AHR: variants seen among roughly 807,000 people sequenced by gnomAD.
AHR encodes the protein AH-receptor.
AHR carries 40 observed loss-of-function variants against 86.8 expected under a neutral mutation model. That is an observed-to-expected ratio of 0.46 (90% confidence interval 0.36 to 0.60). The LOEUF (loss-of-function observed/expected upper bound fraction) is 0.60, where lower values mean the gene tolerates loss of function less well. Among genes scored for constraint, AHR ranks in the 20% least tolerant of loss-of-function variants. The pLI, the probability that AHR is intolerant of heterozygous loss-of-function variation, is 0.00. For missense variants in AHR, 1,001 were observed against 1,011.6 expected (o/e 0.99, Z 0.14); for synonymous variants, 398 against 354.9 (o/e 1.12, Z -1.37).
rs1452859535 is a variant in AHR, at chr7:17,345,549, T to C, written c.*2485T>C. On this transcript the variant is annotated 3_prime_UTR_variant, in exon 11 of 11. Transcript: ENST00000242057. ...TCTAGATTAATACTCTATTTTTACA[T>C]TTAAACCTTTTATTATAAGTCTTAC... The C allele has an allele frequency of 6.5e-6, 1 of 152,672 alleles. No individual in the cohort carries two copies. Among genetic ancestry groups the C allele is most frequent in the African/African-American group, 2.4e-5 (1 of 41,454 alleles). 9.5% of individuals were successfully genotyped at this position (152,672 alleles called of 1,614,324 possible).
At position 17,334,993 on chromosome 7, in the gene AHR, C is replaced by T; in HGVS notation, c.1015C>T (p.Arg339Ter). ...GCTTTATTGTGCCGAGTCCCATATC[C>T]GAAGTAAGTTGTAGTTCCTTATGAA... The part of the protein sequence containing the change: ...DMLYCAESHI[R>*]MIKTGESGMI... Residue 339 changes from arginine to a stop codon, truncating the protein, a stop_gained, in exon 8 of 11, where the codon CGA (arginine) becomes TGA (stop). Transcript: ENST00000242057. LOFTEE classifies it high-confidence loss of function. The T allele has an allele frequency of 3.1e-6, 5 of 1,610,878 alleles. No individual in the cohort carries two copies. The highest frequency in any genetic ancestry group is 1.1e-5 in the South Asian group (1 of 90,826).
intron 6 of AHR, 70 bp downstream of exon 6, chr7:17,330,956 T>C (rs760838675): frequency 1.3e-5 from 19 of 1,517,252 alleles, no homozygotes; most frequent in Non-Finnish European, 1.7e-5. Context: ...AAATTTAATT[T>C]AGCAAAATAT....
chr7:17,342,405 C>T (rs1379967211), intron 10 of AHR, among the ~76,000 whole-genome samples: 4 of 151,962 alleles, frequency 2.6e-5, no homozygotes, highest in Non-Finnish European at 4.4e-5. Context: ...AATAAGAAAT[C>T]GGTTAAGAAA....
chr7:17,327,884 T>C, intron 4 of AHR, 36 bp downstream of exon 4: 2 of 935,218 alleles, frequency 2.1e-6, no homozygotes, highest in Non-Finnish European at 2.9e-6. Context: ...TATATTATTA[T>C]ATCATTTACT....
At position 17,310,153 on chromosome 7, in the gene AHR, A is replaced by G. The variant is rs374318552; in HGVS notation, c.253+30A>G. Reference sequence around the variant, plus strand: ...GACAGAAGGGTTTAATTTGTCTACAATAACGTATAAAAAATACTTGTACTA... The same window carrying G: ...GACAGAAGGGTTTAATTTGTCTACAGTAACGTATAAAAAATACTTGTACTA... On this transcript the variant is annotated intron_variant, in intron 2 of 10. Transcript: ENST00000242057. 6 of 1,570,568 alleles carry G rather than the reference A, an allele frequency of 3.8e-6. No individual in the cohort carries two copies. In the African/African-American group the frequency reaches 5.4e-5, roughly 14 times the overall value.
intron 1 of AHR, among the ~76,000 whole-genome samples, chr7:17,307,342 T>C (rs919768999): frequency 2.0e-5 from 3 of 152,140 alleles, no homozygotes; most frequent in Non-Finnish European, 2.9e-5. Context: ...GGAATATTCC[T>C]TAATGGAATC....
intron 3 of AHR, among the ~76,000 whole-genome samples, 170 bp from the exon 4 acceptor site, chr7:17,327,589 G>T (rs551282277): frequency 2.9e-4 from 44 of 151,906 alleles, no homozygotes; most frequent in African/African-American, 1.0e-3. Context: ...AAATCAAAAG[G>T]TATGAATAGA....
chr7:17,333,399 A>G (rs1475941045), intron 6 of AHR, among the ~76,000 whole-genome samples: 1 of 151,702 alleles, frequency 6.6e-6, no homozygotes, highest in Admixed American at 6.6e-5. Flanking sequence ...CCATATCTTT[A>G]CTCAGTAGGG....
rs377724396 is a variant in AHR at position 17,322,559 on chromosome 7, A to G, written c.312A>G (p.Ala104=). ...RNGGQDNCRA[A]NFREGLNLQE... Reference sequence around the variant, plus strand: ...GAGGCCAGGATAACTGTAGAGCAGCAAATTTCAGAGAAGGCCTGAACTTAC... The same window carrying G: ...GAGGCCAGGATAACTGTAGAGCAGCGAATTTCAGAGAAGGCCTGAACTTAC... Residue 104 remains alanine, a synonymous_variant, in exon 3 of 11, where the codon GCA becomes GCG. Transcript: ENST00000242057. The G allele has an allele frequency of 1.9e-6, 3 of 1,613,184 alleles. No homozygotes were observed. Among genetic ancestry groups the G allele is most frequent in the Non-Finnish European group, 2.5e-6 (3 of 1,179,348 alleles).
At chr7:17,320,253 C>G (rs1238247184) in intron 2 of AHR, among the ~76,000 whole-genome samples, 2 of 151,996 alleles carry the variant, frequency 1.3e-5, no homozygotes, top group East Asian at 3.9e-4. Flanking sequence ...TACTTAAAGA[C>G]AGGGTCTGAC....
intron 2 of AHR, among the ~76,000 whole-genome samples, chr7:17,316,298 T>C (rs923428840): frequency 6.6e-6 from 1 of 152,160 alleles, no homozygotes; most frequent in Non-Finnish European, 1.5e-5. Flanking sequence ...CAAAAAGCCA[T>C]TCAGTTGTTA....
rs1193300242 is a variant in AHR, at chr7:17,340,140, A to G, written c.2315A>G (p.Tyr772Cys). 6.2e-6 allele frequency: 10 copies of G among 1,614,110 alleles called. No homozygotes were observed. In the Admixed American group the frequency reaches 1.7e-4, roughly 27 times the overall value. The change falls in exon 10 of 11, where the codon TAT becomes TGT. Residue 772 changes from tyrosine to cysteine, a missense_variant. Physicochemically the swap from Tyr to Cys is radical, Grantham distance 194. This residue lies in a region of AHR where 607 missense variants were observed against 543.1 expected (regional missense o/e 1.12). Coordinates refer to ENST00000242057, the MANE Select transcript of AHR (RefSeq NM_001621.5). ...TGTTATGCTGGGGCCGTGTCGATGT[A>G]TCAGTGCCAGCCAGAACCTCAGCAC... The part of the protein sequence containing the change: ...QTCYAGAVSM[Y>C]QCQPEPQHTH...
chr7:17,338,737 CAGGT>C (rs763172750), intron 9 of AHR, among the ~76,000 whole-genome samples: 3 of 151,878 alleles, frequency 2.0e-5, no homozygotes, highest in South Asian at 2.1e-4. Context: ...TGCAGGGTGT[CAGGT>C]AGGGATGTAA....
At chr7:17,309,855 TGAG>T (rs1475169203) in intron 1 of AHR, 78 bp from the exon 2 acceptor site, 12 of 1,169,570 alleles carry the variant, frequency 1.0e-5, no homozygotes, top group South Asian at 4.2e-5. Context: ...GAGAAATATT[TGAG>T]GAGATGTTAT....
intron 3 of AHR, among the ~76,000 whole-genome samples, 181 bp from the exon 4 acceptor site, chr7:17,327,578 C>T (rs1330039898): frequency 6.6e-6 from 1 of 151,774 alleles, no homozygotes; most frequent in Non-Finnish European, 1.5e-5. Context: ...TTTCCATAGA[C>T]AAATCAAAAG....
chr7:17,335,068 C>G, intron 8 of AHR, 72 bp downstream of exon 8: 1 of 1,120,488 alleles, frequency 8.9e-7, no homozygotes, highest in Middle Eastern at 2.0e-4. Flanking sequence ...CAAATTCTTA[C>G]GTAATGTAAA....
rs1562482989 is a variant in AHR at position 17,340,225 on chromosome 7, C to T, written c.2400C>T (p.Asn800=). The change falls in exon 10 of 11, where the codon AAC becomes AAT. Residue 800 remains asparagine (N), a synonymous_variant. Transcript: ENST00000242057. ...PVLPGQQAFL[N]KFQNGVLNET... is the part of the protein sequence containing the mutation. ...TGCCAGGCCAACAGGCATTTTTAAA[C>T]AAGGTAAGGGTGTTATCAAACTGAA... 1 of 1,606,476 alleles carries T rather than the reference C, an allele frequency of 6.2e-7. No homozygotes were observed. The highest frequency in any genetic ancestry group is 1.1e-5 in the South Asian group (1 of 90,076).
intron 1 of AHR, among the ~76,000 whole-genome samples, chr7:17,306,168 A>G (rs1782003495): frequency 1.3e-5 from 2 of 152,210 alleles, no homozygotes; most frequent in Non-Finnish European, 2.9e-5. Flanking sequence ...TCCTTAAATA[A>G]TGGTTAGCAG....
intron 3 of AHR, among the ~76,000 whole-genome samples, chr7:17,323,065 C>G (rs146210719): frequency 3.0e-4 from 46 of 152,152 alleles, no homozygotes; most frequent in African/African-American, 1.1e-3. Flanking sequence ...AATCACCTAA[C>G]CACATATTTC....
Sources: allele counts gnomAD v4.1 joint callset (sites outside exome capture counted in the v4.1 genomes callset), GRCh38; gene constraint gnomAD v4.1.1; regional missense constraint gnomAD v4.1.1; transcripts MANE v1.5; gene names NCBI Gene and HGNC (gene_info 2026-07-23, HGNC 2026-07-21).